The following USP48 variants were observed in gnomAD, a reference collection of about 807,000 sequenced individuals.
USP48 encodes the protein ubiquitin carboxyl-terminal hydrolase 48.
In USP48, 43 loss-of-function variants were observed where a neutral mutation model predicts 150.7. That is an observed-to-expected ratio of 0.29 (90% CI 0.22 to 0.37). The LOEUF (loss-of-function observed/expected upper bound fraction) is 0.37, where lower values mean the gene tolerates loss of function less well. Ranked by LOEUF, USP48 falls within the 10% of genes least tolerant of loss-of-function variation. USP48 has a pLI of 1.00. For synonymous variants in USP48, 396 were observed against 425.9 expected (o/e 0.93, Z 0.86); for missense variants, 813 against 1,249.6 (o/e 0.65, Z 5.27).
chr1:21,744,670 G>A (rs892617242), intron 8 of USP48, among the ~76,000 whole-genome samples: 27 of 144,236 alleles, frequency 1.9e-4, no homozygotes, highest in African/African-American at 5.6e-4. Context: ...CCAGCTACTC[G>A]GAAAGCTGAG....
chr1:21,684,097 G>A (rs1420840425), intron 25 of USP48, among the ~76,000 whole-genome samples: 1 of 152,154 alleles, frequency 6.6e-6, no homozygotes, highest in Non-Finnish European at 1.5e-5. Context: ...ATAAACATGA[G>A]AGTGCAAATA....
At chr1:21,696,141 T>C (rs1339521765) in intron 22 of USP48, among the ~76,000 whole-genome samples, 1 of 152,196 alleles carries the variant, frequency 6.6e-6, no homozygotes, top group East Asian at 1.9e-4. Flanking sequence ...CCAAGTTCAA[T>C]GTCAAGAAGG....
chr1:21,761,124 G>A (rs529224735), intron 1 of USP48, among the ~76,000 whole-genome samples: 30 of 151,720 alleles, frequency 2.0e-4, no homozygotes, highest in South Asian at 1.2e-3. Flanking sequence ...AAAAAAGGAA[G>A]GTACAAAACA....
At chr1:21,700,733 T>A (rs768039925) in intron 22 of USP48, among the ~76,000 whole-genome samples, 2,867 of 152,292 alleles carry the variant, frequency 0.019, 60 homozygotes, top group African/African-American at 0.044. Flanking sequence ...AGCTGAAACT[T>A]ATCTCCACCT....
intron 15 of USP48, among the ~76,000 whole-genome samples, 197 bp from the exon 16 acceptor site, chr1:21,707,065 G>A (rs1314558704): frequency 6.6e-6 from 1 of 151,932 alleles, no homozygotes; most frequent in Non-Finnish European, 1.5e-5. Context: ...AAAGGAGGTA[G>A]CCATTAACCT....
chr1:21,761,852 G>A (rs1453616814), intron 1 of USP48, among the ~76,000 whole-genome samples: 2 of 152,188 alleles, frequency 1.3e-5, no homozygotes, highest in Non-Finnish European at 2.9e-5. Flanking sequence ...AGCTAGGAGG[G>A]AAAAAAGCTT....
chr1:21,756,859 T>C, intron 2 of USP48, 157 bp from the exon 3 acceptor site: 5 of 985,402 alleles, frequency 5.1e-6, no homozygotes, highest in Non-Finnish European at 6.0e-6. Context: ...AGGTGGGGCA[T>C]AATTTTCATG....
chr1:21,712,526 A>G (rs1032282077), intron 15 of USP48, among the ~76,000 whole-genome samples: 1 of 152,016 alleles, frequency 6.6e-6, no homozygotes, highest in African/African-American at 2.4e-5. Flanking sequence ...AGTAAAGTGG[A>G]TTTCTAAGTA....
chr1:21,779,460 C>T (rs941808261), intron 1 of USP48, among the ~76,000 whole-genome samples: 67 of 151,866 alleles, frequency 4.4e-4, no homozygotes, highest in African/African-American at 1.6e-3. Flanking sequence ...GCACAAGAAT[C>T]GCTTGAACCT....
intron 8 of USP48, among the ~76,000 whole-genome samples, chr1:21,741,741 C>G (rs955006600): frequency 6.6e-6 from 1 of 152,042 alleles, no homozygotes; most frequent in Admixed American, 6.6e-5. Context: ...CTTTGTGAGC[C>G]GAGGCAAGAG....
intron 8 of USP48, among the ~76,000 whole-genome samples, chr1:21,746,386 G>A (rs968400753): frequency 6.6e-6 from 1 of 152,016 alleles, no homozygotes; most frequent in Non-Finnish European, 1.5e-5. Context: ...GGAGGCTGAG[G>A]TTGCAGTGAG....
At position 21,687,330 on chromosome 1, in the gene USP48, A is replaced by G. The variant is rs992093825; in HGVS notation, c.3010-91T>C. The G allele has an allele frequency of 3.3e-6, 4 of 1,215,130 alleles. No individual in the cohort carries two copies. In the South Asian group the frequency reaches 3.9e-5, roughly 12 times the overall value. The allele number at this position is 1,215,130 out of a possible 1,614,324, so 75.3% of individuals were successfully genotyped here. On this transcript the variant is annotated intron_variant, in intron 24 of 26. Coordinates refer to ENST00000308271, the MANE Select transcript of USP48 (RefSeq NM_032236.8). Reference sequence around the variant, plus strand: ...CCATGATTCAACTACTGATATTGCTATAAGACACAAACACACTGTCCAGTA... The same window carrying G: ...CCATGATTCAACTACTGATATTGCTGTAAGACACAAACACACTGTCCAGTA...
intron 9 of USP48, among the ~76,000 whole-genome samples, 157 bp from the exon 10 acceptor site, chr1:21,729,989 A>G (rs559750093): frequency 6.6e-6 from 1 of 152,360 alleles, no homozygotes; most frequent in South Asian, 2.1e-4. Flanking sequence ...CAGGCTCTTT[A>G]GCTTTAATAT....
rs890050666 is a variant in USP48 at position 21,696,041 on chromosome 1, G to C, written c.2728-820C>G. On this transcript the variant is annotated intron_variant, in intron 22 of 26. Coordinates refer to ENST00000308271, the MANE Select transcript of USP48 (RefSeq NM_032236.8). The stretch of plus-strand genomic sequence containing the variant: ...TTCAATTTACAGAAATTGGAATATA[G>C]GGGATATATAAATAAATTAAAATAA... Among the ~76,000 whole-genome samples the C allele has an allele frequency of 7.2e-5, 11 of 152,210 alleles. No individual in the cohort carries two copies. In the East Asian group the frequency reaches 2.1e-3, roughly 29 times the overall value.
intron 1 of USP48, among the ~76,000 whole-genome samples, chr1:21,773,254 CAA>C (rs60704662): frequency 4.5e-5 from 3 of 66,156 alleles, no homozygotes; most frequent in Non-Finnish European, 3.1e-5. Context: ...GACTCGGTCT[CAA>C]AAAAAAAAAA....
At chr1:21,737,807 A>G (rs1054669513) in intron 8 of USP48, among the ~76,000 whole-genome samples, 1 of 152,194 alleles carries the variant, frequency 6.6e-6, no homozygotes, top group Non-Finnish European at 1.5e-5. Flanking sequence ...ATCCACATTA[A>G]TGAACACTTA....
At chr1:21,738,093 T>C (rs1267918723) in intron 8 of USP48, among the ~76,000 whole-genome samples, 2 of 152,026 alleles carry the variant, frequency 1.3e-5, no homozygotes, top group Non-Finnish European at 2.9e-5. Flanking sequence ...GTTTTGCTCA[T>C]GTTGCCCAGG....
At chr1:21,710,587 T>C (rs958889899) in intron 15 of USP48, among the ~76,000 whole-genome samples, 11 of 152,180 alleles carry the variant, frequency 7.2e-5, no homozygotes, top group Non-Finnish European at 1.6e-4. Flanking sequence ...TACTGAACTC[T>C]AGGATAGTAA....
Position 21,716,684 on chromosome 1 carries a change from T to C in USP48, c.1895-1227A>G, listed in dbSNP as rs75369610. Among the ~76,000 whole-genome samples the C allele has an allele frequency of 2.4e-3, 362 of 152,358 alleles. 1 individual carries two copies. Among genetic ancestry groups the C allele is most frequent in the Non-Finnish European group, 4.2e-3 (288 of 68,040 alleles). On this transcript the variant is annotated intron_variant, in intron 14 of 26. Coordinates refer to ENST00000308271, the MANE Select transcript of USP48 (RefSeq NM_032236.8). ...CTGTGTCACTATCAATTTATAGTTG[T>C]ATATACTGGGAACAGGATCAAATGA...
Sources: gnomAD v4.1 joint callset for allele counts (sites outside exome capture counted in the v4.1 genomes callset) on GRCh38, gnomAD v4.1.1 for gene constraint, MANE v1.5 for transcripts, NCBI Gene and HGNC (gene_info 2026-07-23, HGNC 2026-07-21) for gene names.